Variants in RASEF observed in about 807,000 individuals in gnomAD.
RASEF encodes RAS and EF-hand domain containing, also known as ras and EF-hand domain-containing protein.
Under a neutral mutation model 90.1 loss-of-function variants are expected in RASEF, and 68 were observed. That is an observed-to-expected ratio of 0.75 (90% confidence interval 0.62 to 0.92). The LOEUF (loss-of-function observed/expected upper bound fraction) is 0.92, where lower values mean the gene tolerates loss of function less well. RASEF is among the 40% of genes least tolerant of loss of function. The probability of loss-of-function intolerance (pLI) is 0.00; values close to 1 mark genes in which losing one functional copy is unlikely to be tolerated. For missense variants in RASEF, 949 were observed against 937.2 expected (o/e 1.01, Z -0.16); for synonymous variants, 331 against 345.2 (o/e 0.96, Z 0.46).
At chr9:83,182,691 C>T in the RASEF span, among the ~76,000 whole-genome samples, 6 of 151,852 alleles carry the variant, frequency 4.0e-5, no homozygotes, top group African/African-American at 1.5e-4. Context: ...GCAAAATGGT[C>T]AAACAGACTA....
At chr9:83,095,825 G>T in the RASEF span, among the ~76,000 whole-genome samples, 1 of 151,954 alleles carries the variant, frequency 6.6e-6, no homozygotes. Flanking sequence ...AAAATGAAAT[G>T]AATAACTAAT....
the RASEF span, among the ~76,000 whole-genome samples, chr9:83,176,118 C>T: frequency 1.3e-5 from 2 of 152,136 alleles, no homozygotes; most frequent in African/African-American, 4.8e-5. Context: ...AAGTCTTGAA[C>T]TATTGTGAAA....
intron 7 of RASEF, among the ~76,000 whole-genome samples, chr9:83,006,944 A>T (rs1829144140): frequency 6.6e-6 from 1 of 151,942 alleles, no homozygotes. Flanking sequence ...AAATACAAAA[A>T]TTAGCTGGGC....
chr9:83,040,190 A>G (rs749992676), intron 1 of RASEF, among the ~76,000 whole-genome samples: 8 of 152,024 alleles, frequency 5.3e-5, no homozygotes, highest in Non-Finnish European at 1.5e-5. Context: ...AGTCTCAGGT[A>G]TTTCTTCAAA....
the RASEF span, among the ~76,000 whole-genome samples, chr9:83,113,648 G>C: frequency 2.6e-5 from 4 of 152,112 alleles, no homozygotes; most frequent in African/African-American, 9.7e-5. Flanking sequence ...GGCCGCGCTG[G>C]GAGTGTCTGT....
chr9:83,150,939 CAT>C, the RASEF span, among the ~76,000 whole-genome samples: 308 of 152,318 alleles, frequency 2.0e-3, 3 homozygotes, highest in African/African-American at 6.3e-3. Context: ...CAAATTCACA[CAT>C]GTCAGCCACT....
the RASEF span, among the ~76,000 whole-genome samples, chr9:83,078,516 T>C: frequency 6.6e-6 from 1 of 152,050 alleles, no homozygotes; most frequent in South Asian, 2.1e-4. Flanking sequence ...ATATAAAAAT[T>C]GGTCGGGCGT....
At chr9:83,216,468 A>G in the RASEF span, among the ~76,000 whole-genome samples, 19 of 152,318 alleles carry the variant, frequency 1.2e-4, no homozygotes, top group Admixed American at 4.6e-4. Context: ...GCAGGCCCCA[A>G]TCCTTGGCAG....
the RASEF span, among the ~76,000 whole-genome samples, chr9:83,150,664 T>C: frequency 0.029 from 4,392 of 152,296 alleles, 89 homozygotes; most frequent in Non-Finnish European, 0.043. Context: ...TGAACTAAAA[T>C]GAGCACACAC....
the RASEF span, among the ~76,000 whole-genome samples, chr9:83,146,383 A>G: frequency 6.6e-6 from 1 of 152,136 alleles, no homozygotes; most frequent in Non-Finnish European, 1.5e-5. Flanking sequence ...TCTCCGAATA[A>G]AAAAGATTTC....
At chr9:83,013,566 T>C (rs926758089) in intron 4 of RASEF, among the ~76,000 whole-genome samples, 13 of 152,210 alleles carry the variant, frequency 8.5e-5, no homozygotes, top group African/African-American at 2.9e-4. Flanking sequence ...CTATAGCCCT[T>C]AATGCACTCT....
chr9:83,209,553 G>C, the RASEF span, among the ~76,000 whole-genome samples: 2 of 152,226 alleles, frequency 1.3e-5, no homozygotes, highest in Non-Finnish European at 1.5e-5. Context: ...GGGGTGGAGC[G>C]AGTCACAGTT....
chr9:83,186,436 C>T, the RASEF span, among the ~76,000 whole-genome samples: 8 of 152,114 alleles, frequency 5.3e-5, no homozygotes, highest in Non-Finnish European at 1.2e-4. Flanking sequence ...ATTCCCTGTT[C>T]TGCGTTATCT....
At chr9:83,021,494 T>G (rs777700132) in intron 3 of RASEF, among the ~76,000 whole-genome samples, 1 of 152,214 alleles carries the variant, frequency 6.6e-6, no homozygotes, top group Non-Finnish European at 1.5e-5. Context: ...ATTTCTTCAA[T>G]GGAAATCACT....
chr9:83,001,376 AT>A (rs957155083), intron 9 of RASEF, among the ~76,000 whole-genome samples: 31 of 152,242 alleles, frequency 2.0e-4, no homozygotes, highest in Admixed American at 7.8e-4. Flanking sequence ...CATTAAAAAA[AT>A]AATGTTCTTT....
chr9:83,015,297 A>T lies in RASEF; in HGVS notation c.765+508T>A, dbSNP rs79168604. ...AGGAAAGCAAACTGAAGTTTTATGG[A>T]CAATGGTTGAAGGGATCAGAAAATA... On this transcript the variant is annotated intron_variant, in intron 4 of 16. Transcript: ENST00000376447. Among the ~76,000 whole-genome samples, 711 of 152,326 alleles carry T rather than the reference A, an allele frequency of 4.7e-3. 10 individuals are homozygous for T. The highest frequency in any genetic ancestry group is 0.017 in the African/African-American group (696 of 41,576).
At chr9:83,205,892 G>A in the RASEF span, among the ~76,000 whole-genome samples, 1 of 151,974 alleles carries the variant, frequency 6.6e-6, no homozygotes, top group Admixed American at 6.6e-5. Flanking sequence ...CATTTCCTAG[G>A]ACCTCCTATA....
chr9:83,091,424 G>A, the RASEF span, among the ~76,000 whole-genome samples: 9 of 152,228 alleles, frequency 5.9e-5, no homozygotes, highest in East Asian at 1.4e-3. Flanking sequence ...GCATGGTGGT[G>A]CGCACATGTA....
At chr9:83,163,107 C>A in the RASEF span, among the ~76,000 whole-genome samples, 1 of 152,156 alleles carries the variant, frequency 6.6e-6, no homozygotes, top group African/African-American at 2.4e-5. Context: ...AAAAGAAATA[C>A]CCAACTCCAG....
Sources: gnomAD v4.1 joint callset for allele counts (sites outside exome capture counted in the v4.1 genomes callset) on GRCh38, gnomAD v4.1.1 for gene constraint, MANE v1.5 for transcripts, NCBI Gene and HGNC (gene_info 2026-07-23, HGNC 2026-07-21) for gene names.